ADAM12: variants seen among roughly 807,000 people sequenced by gnomAD.
The protein encoded by ADAM12 is ADAM metallopeptidase domain 12.
Under a neutral mutation model 106.4 loss-of-function variants are expected in ADAM12, and 70 were observed. The ratio of observed to expected loss-of-function variants is 0.66; its 90% CI spans 0.54 to 0.80. The LOEUF is 0.80. ADAM12 is among the 30% of genes least tolerant of loss of function. The pLI is 0.00. For synonymous variants in ADAM12, 420 were observed against 433.5 expected (o/e 0.97, Z 0.39); for missense variants, 1,010 against 1,171.9 (o/e 0.86, Z 2.02).
intron 2 of ADAM12, among the ~76,000 whole-genome samples, chr10:126,313,487 CAG>C (rs1961207201): frequency 6.6e-6 from 1 of 152,128 alleles, no homozygotes; most frequent in Non-Finnish European, 1.5e-5. Context: ...ACCTGGGAAA[CAG>C]AACATTTTAA....
rs76296918 is a variant in ADAM12 at position 126,369,354 on chromosome 10, T to G, written c.88+18704A>C. On this transcript the variant is annotated intron_variant, in intron 1 of 22. Coordinates refer to ENST00000448723, the MANE Select transcript of ADAM12 (RefSeq NM_001288973.2). ...GATGTGGTCTCTGTCACCACAGAGC[T>G]TAAATTCTAACCTAGAAGACAAACC... 6.3e-3 allele frequency among the ~76,000 whole-genome samples: 958 copies of G among 152,330 alleles called. 10 individuals carry two copies. Among genetic ancestry groups the G allele is most frequent in the African/African-American group, 0.022 (894 of 41,574 alleles).
At chr10:126,139,955 G>A (rs1330826127) in intron 4 of ADAM12, among the ~76,000 whole-genome samples, 1 of 152,152 alleles carries the variant, frequency 6.6e-6, no homozygotes, top group Non-Finnish European at 1.5e-5. Context: ...CTATGAGGGG[G>A]TTATATAATT....
intron 17 of ADAM12, among the ~76,000 whole-genome samples, chr10:126,045,512 T>A (rs11244784): frequency 0.19 from 28,345 of 152,118 alleles, 3,537 homozygotes; most frequent in Non-Finnish European, 0.28. Flanking sequence ...CTAATATGAT[T>A]CCATTGGAAA....
At chr10:126,248,523 G>A (rs542511151) in intron 3 of ADAM12, among the ~76,000 whole-genome samples, 20 of 152,176 alleles carry the variant, frequency 1.3e-4, no homozygotes, top group Admixed American at 3.3e-4. Flanking sequence ...GTCTGTTCTC[G>A]TCCTTGGTGG....
At chr10:126,205,632 C>G (rs1262504512) in intron 3 of ADAM12, among the ~76,000 whole-genome samples, 1 of 152,224 alleles carries the variant, frequency 6.6e-6, no homozygotes, top group Non-Finnish European at 1.5e-5. Flanking sequence ...GAATGCTTAG[C>G]ATCAGGTGGC....
intron 4 of ADAM12, among the ~76,000 whole-genome samples, chr10:126,149,838 G>T (rs11244845): frequency 0.19 from 29,537 of 152,036 alleles, 3,299 homozygotes; most frequent in Non-Finnish European, 0.26. Flanking sequence ...TTGGGACTTG[G>T]ATTGGCTTCC....
intron 21 of ADAM12, among the ~76,000 whole-genome samples, chr10:126,030,317 A>C (rs561600520): frequency 6.6e-6 from 1 of 152,156 alleles, no homozygotes; most frequent in Non-Finnish European, 1.5e-5. Context: ...GAAAATTTCC[A>C]TAATCTCTCC....
At chr10:126,149,848 C>T (rs1022386806) in intron 4 of ADAM12, among the ~76,000 whole-genome samples, 3 of 152,198 alleles carry the variant, frequency 2.0e-5, no homozygotes, top group African/African-American at 4.8e-5. Flanking sequence ...GATTGGCTTC[C>T]TTGCTCCTCA....
At chr10:126,171,161 A>C (rs1957112990) in intron 3 of ADAM12, among the ~76,000 whole-genome samples, 1 of 152,228 alleles carries the variant, frequency 6.6e-6, no homozygotes, top group Non-Finnish European at 1.5e-5. Context: ...GCTAATTCTA[A>C]CAGCTAATTT....
chr10:126,149,253 G>A (rs368928475), intron 4 of ADAM12, among the ~76,000 whole-genome samples: 30 of 152,290 alleles, frequency 2.0e-4, no homozygotes, highest in South Asian at 8.3e-4. Flanking sequence ...CACTATCAAC[G>A]CCCTGGAGCC....
chr10:126,102,274 C>A (rs1955683194), intron 8 of ADAM12, among the ~76,000 whole-genome samples: 1 of 152,048 alleles, frequency 6.6e-6, no homozygotes, highest in Admixed American at 6.6e-5. Context: ...CTTTCAATGC[C>A]CCTAGTGTAT....
In ADAM12 at chr10:126,064,756, C is replaced by A; in HGVS notation, c.1609+50G>T. 1 of 1,535,706 alleles carries A rather than the reference C, an allele frequency of 6.5e-7. No individual in the cohort carries two copies. Among genetic ancestry groups the A allele is most frequent in the African/African-American group, 1.4e-5 (1 of 73,462 alleles). On this transcript the variant is annotated intron_variant, in intron 14 of 22. Coordinates refer to ENST00000448723, the MANE Select transcript of ADAM12 (RefSeq NM_001288973.2). This position sits in a 1 kb window ranked among gnomAD's most constrained non-coding sequence, Gnocchi z 4.4. ...GAGCACATGCCCCCAGTCCCACAGC[C>A]CAGGTCTGCCAGTGCCTCTCCTGAT...
At chr10:126,073,597 C>T (rs1177269677) in intron 11 of ADAM12, among the ~76,000 whole-genome samples, 2 of 152,208 alleles carry the variant, frequency 1.3e-5, no homozygotes, top group African/African-American at 4.8e-5. Context: ...TCAATGTTAG[C>T]TCCCACTTAT....
intron 11 of ADAM12, among the ~76,000 whole-genome samples, chr10:126,073,680 G>A (rs902708628): frequency 1.3e-5 from 2 of 152,112 alleles, no homozygotes; most frequent in African/African-American, 2.4e-5. Context: ...TATCAACCTC[G>A]GGCTATTAAC....
intron 14 of ADAM12, among the ~76,000 whole-genome samples, chr10:126,051,508 T>TCCAGCCAGCCAGCCAG (rs1301345163): frequency 7.5e-6 from 1 of 133,200 alleles, no homozygotes; most frequent in Non-Finnish European, 1.6e-5. Flanking sequence ...CACCCGTCCA[T>TCCAGCCAGCCAGCCAG]CCATCCATCC....
chr10:126,387,846 G>C (rs1291488929), intron 1 of ADAM12, among the ~76,000 whole-genome samples: 1 of 151,750 alleles, frequency 6.6e-6, no homozygotes, highest in African/African-American at 2.4e-5. Context: ...GGCTCCTGTG[G>C]GGCTGCGGGC....
intron 8 of ADAM12, 51 bp downstream of exon 8, chr10:126,108,542 T>C: frequency 6.4e-7 from 1 of 1,550,914 alleles, no homozygotes; most frequent in Non-Finnish European, 8.9e-7. Context: ...CCAACCTCAT[T>C]TCCAAACATT....
At chr10:126,166,743 C>T (rs983869190) in intron 3 of ADAM12, among the ~76,000 whole-genome samples, 1 of 152,116 alleles carries the variant, frequency 6.6e-6, no homozygotes, top group Non-Finnish European at 1.5e-5. Context: ...GTGATCCGCC[C>T]GCCTCGACCT....
chr10:126,342,480 CTAA>C (rs1010071927), intron 1 of ADAM12, among the ~76,000 whole-genome samples: 5 of 152,184 alleles, frequency 3.3e-5, no homozygotes, highest in Non-Finnish European at 5.9e-5. Flanking sequence ...TTAAATAATT[CTAA>C]TGAGAATTTT....
Sources: allele counts gnomAD v4.1 joint callset (sites outside exome capture counted in the v4.1 genomes callset), GRCh38; gene constraint gnomAD v4.1.1; non-coding constraint Gnocchi (gnomAD v3.1); transcripts MANE v1.5; gene names NCBI Gene and HGNC (gene_info 2026-07-23, HGNC 2026-07-21).